DCC: variants seen among roughly 807,000 people sequenced by gnomAD.
DCC encodes the protein DCC netrin 1 receptor.
A neutral mutation model predicts 172.5 loss-of-function variants in DCC; 58 were observed. The ratio of observed to expected loss-of-function variants is 0.34; its 90% CI spans 0.27 to 0.42. The LOEUF is 0.42. DCC is among the 10% of genes least tolerant of loss of function. The pLI is 1.00. For synonymous variants in DCC, 709 were observed against 644.5 expected (o/e 1.10, Z -1.52); for missense variants, 1,740 against 1,791.0 (o/e 0.97, Z 0.51).
At chr18:52,877,302 T>A (rs748706672) in intron 2 of DCC, among the ~76,000 whole-genome samples, 5 of 152,180 alleles carry the variant, frequency 3.3e-5, no homozygotes, top group Non-Finnish European at 5.9e-5. Flanking sequence ...CTCCAGACAT[T>A]GGCAGTGTCC....
At chr18:52,407,648 C>A (rs559352493) in intron 1 of DCC, among the ~76,000 whole-genome samples, 2 of 151,776 alleles carry the variant, frequency 1.3e-5, no homozygotes, top group African/African-American at 4.8e-5. Context: ...CTTGCATCTT[C>A]TTCCATCTAT....
chr18:52,835,591 T>C (rs1229663593), intron 2 of DCC, among the ~76,000 whole-genome samples: 1 of 152,216 alleles, frequency 6.6e-6, no homozygotes, highest in African/African-American at 2.4e-5. Flanking sequence ...AACTAAAATT[T>C]ACAGCTTCAA....
chr18:53,134,857 T>C (rs1045079171), intron 7 of DCC, among the ~76,000 whole-genome samples: 1 of 152,116 alleles, frequency 6.6e-6, no homozygotes, highest in Admixed American at 6.6e-5. Flanking sequence ...CAGTTGACGT[T>C]TGCAAATGAC....
intron 1 of DCC, among the ~76,000 whole-genome samples, chr18:52,450,822 G>A (rs1598828755): frequency 1.3e-5 from 2 of 152,104 alleles, no homozygotes; most frequent in African/African-American, 4.8e-5. Flanking sequence ...GTATCCAAAG[G>A]ACTAAGAATA....
intron 1 of DCC, among the ~76,000 whole-genome samples, chr18:52,600,023 C>A (rs567990690): frequency 2.0e-5 from 3 of 152,142 alleles, no homozygotes; most frequent in Non-Finnish European, 4.4e-5. Context: ...TATTCTCAAC[C>A]TTTTCAAATG....
At chr18:52,954,455 G>A (rs2040708870) in intron 5 of DCC, among the ~76,000 whole-genome samples, 1 of 151,916 alleles carries the variant, frequency 6.6e-6, no homozygotes, top group South Asian at 2.1e-4. Flanking sequence ...GTCATTTGGG[G>A]AAAAATTACA....
chr18:52,735,446 C>T (rs1210725091), intron 1 of DCC, among the ~76,000 whole-genome samples: 1 of 152,058 alleles, frequency 6.6e-6, no homozygotes, highest in African/African-American at 2.4e-5. Flanking sequence ...GGGGAATTTA[C>T]AAGGAGAATT....
At chr18:52,638,292 A>G (rs1446475800) in intron 1 of DCC, among the ~76,000 whole-genome samples, 1 of 152,156 alleles carries the variant, frequency 6.6e-6, no homozygotes, top group Non-Finnish European at 1.5e-5. Context: ...AAAAAAAACA[A>G]AGCACACAGG....
chr18:53,268,524 A>G (rs763320087), intron 12 of DCC, among the ~76,000 whole-genome samples: 1 of 152,152 alleles, frequency 6.6e-6, no homozygotes, highest in African/African-American at 2.4e-5. Flanking sequence ...AGCTTCTCTC[A>G]AGAATGTGTC....
At chr18:53,177,588 G>T (rs890143383) in intron 8 of DCC, among the ~76,000 whole-genome samples, 3 of 152,222 alleles carry the variant, frequency 2.0e-5, no homozygotes, top group Admixed American at 6.5e-5. Flanking sequence ...AATGTTGATT[G>T]TTCCATCATC....
chr18:53,352,839 T>A (rs1169939496), intron 15 of DCC, among the ~76,000 whole-genome samples: 1 of 152,182 alleles, frequency 6.6e-6, no homozygotes, highest in East Asian at 1.9e-4. Context: ...TTTTCTAAGT[T>A]TCTGCATTTT....
intron 3 of DCC, among the ~76,000 whole-genome samples, chr18:52,919,542 C>A (rs1307060147): frequency 6.6e-6 from 1 of 151,828 alleles, no homozygotes; most frequent in Non-Finnish European, 1.5e-5. Flanking sequence ...TATGAAGCTA[C>A]GATGGTAACA....
chr18:52,836,163 C>T (rs2038700941), intron 2 of DCC, among the ~76,000 whole-genome samples: 1 of 152,070 alleles, frequency 6.6e-6, no homozygotes, highest in South Asian at 2.1e-4. Context: ...GAAAATGCTC[C>T]CATGATTCAG....
chr18:52,546,016 C>T lies in DCC; in HGVS notation c.91+205138C>T, dbSNP rs539341716. Among the ~76,000 whole-genome samples, 92 of 152,284 alleles carry T rather than the reference C, an allele frequency of 6.0e-4. No individual in the cohort carries two copies. The South Asian group carries it at 0.018, about 31-fold the overall frequency. On this transcript the variant is annotated intron_variant, in intron 1 of 28. Coordinates refer to ENST00000442544, the MANE Select transcript of DCC (RefSeq NM_005215.4). ...TGTCAAATACACATTGCTTACTTAGCATGTCTATATGTGGAATACTATTTT... is the reference window on the plus strand; with the variant it reads ...TGTCAAATACACATTGCTTACTTAGTATGTCTATATGTGGAATACTATTTT...
intron 1 of DCC, among the ~76,000 whole-genome samples, chr18:52,350,060 A>G (rs546449872): frequency 2.4e-4 from 37 of 152,238 alleles, no homozygotes; most frequent in Non-Finnish European, 4.4e-4. Flanking sequence ...TCAATGCCTA[A>G]TAAAATCATT....
chr18:52,514,366 T>A (rs1039135194), intron 1 of DCC, among the ~76,000 whole-genome samples: 4 of 152,200 alleles, frequency 2.6e-5, no homozygotes, highest in Admixed American at 2.0e-4. Flanking sequence ...TGTGAGGTGA[T>A]GTCTTGTGCA....
intron 1 of DCC, among the ~76,000 whole-genome samples, chr18:52,359,150 A>T (rs979407083): frequency 6.6e-6 from 1 of 152,164 alleles, no homozygotes; most frequent in Admixed American, 6.5e-5. Flanking sequence ...TTCTTCCTTA[A>T]GTAGTATTTA....
intron 1 of DCC, among the ~76,000 whole-genome samples, chr18:52,643,777 G>C (rs1412467272): frequency 6.6e-6 from 1 of 152,184 alleles, no homozygotes; most frequent in South Asian, 2.1e-4. Flanking sequence ...ATGGGGTCAT[G>C]AGTGCCAAGA....
chr18:53,257,436 TG>T (rs1227757483), intron 12 of DCC, among the ~76,000 whole-genome samples: 5 of 152,242 alleles, frequency 3.3e-5, no homozygotes, highest in African/African-American at 1.2e-4. Flanking sequence ...TGTTGAATTT[TG>T]TCAAAGGCCT....
Sources: allele counts gnomAD v4.1 joint callset (sites outside exome capture counted in the v4.1 genomes callset), GRCh38; gene constraint gnomAD v4.1.1; transcripts MANE v1.5; gene names NCBI Gene and HGNC (gene_info 2026-07-23, HGNC 2026-07-21).